The following KCNQ1 variants were observed in gnomAD, a reference collection of about 807,000 sequenced individuals.
KCNQ1 encodes potassium voltage-gated channel subfamily Q member 1, also known as potassium voltage-gated channel subfamily KQT member 1.
Under a neutral mutation model 72.4 loss-of-function variants are expected in KCNQ1, and 49 were observed. That is an observed-to-expected ratio of 0.68 (90% CI 0.54 to 0.86). The LOEUF (loss-of-function observed/expected upper bound fraction) is 0.86, where lower values mean the gene tolerates loss of function less well. KCNQ1 is among the 40% of genes least tolerant of loss of function. The pLI is 0.00. For synonymous variants in KCNQ1, 450 were observed against 412.6 expected (o/e 1.09, Z -1.10); for missense variants, 790 against 945.1 (o/e 0.84, Z 2.15).
intron 1 of KCNQ1, among the ~76,000 whole-genome samples, chr11:2,517,198 G>A (rs150691281): frequency 1.0e-3 from 156 of 152,270 alleles, no homozygotes; most frequent in Middle Eastern, 6.8e-3. Flanking sequence ...CAGGAGCCCC[G>A]TGCGCAGCTG....
At chr11:2,520,961 A>T (rs1246154438) in intron 1 of KCNQ1, among the ~76,000 whole-genome samples, 2 of 152,100 alleles carry the variant, frequency 1.3e-5, no homozygotes, top group African/African-American at 4.8e-5. Context: ...GGGTCTTTGA[A>T]CATTGCTCGA....
At chr11:2,631,359 TCTG>T (rs1242542964) in intron 10 of KCNQ1, 2 of 398,460 alleles carry the variant, frequency 5.0e-6, no homozygotes, top group Non-Finnish European at 8.8e-6. Context: ...TTTGATCAAG[TCTG>T]CTGCTGATGC....
At position 2,824,568 on chromosome 11, in the gene KCNQ1, C is replaced by G. The variant is rs189415957; in HGVS notation, c.1795-23199C>G. Among the ~76,000 whole-genome samples the G allele has an allele frequency of 6.6e-6, 1 of 152,096 alleles. No individual in the cohort carries two copies. Among genetic ancestry groups the G allele is most frequent in the Non-Finnish European group, 1.5e-5 (1 of 68,010 alleles). On this transcript the variant is annotated intron_variant, in intron 15 of 15. Transcript: ENST00000155840. This position sits in a 1 kb window ranked among gnomAD's most constrained non-coding sequence, Gnocchi z 5.9. ...GGGAGATTGGAGCTGAAAACAGAGG[C>G]TGCAACATGGAGGTGGTACCTGAAG...
chr11:2,492,648 G>A lies in KCNQ1; in HGVS notation c.387-35280G>A, dbSNP rs975946353. 1.3e-5 allele frequency among the ~76,000 whole-genome samples: 2 copies of A among 151,996 alleles called. No homozygotes were observed. The highest frequency in any genetic ancestry group is 4.8e-5 in the African/African-American group (2 of 41,376). On this transcript the variant is annotated intron_variant, in intron 1 of 15. Coordinates refer to ENST00000155840, the MANE Select transcript of KCNQ1 (RefSeq NM_000218.3). The surrounding 1 kb of genome is among the most constrained non-coding windows in gnomAD (Gnocchi z 4.1). ...GTTCCTGTGTTAGTTTGCCGAGAATGGTTTCCAGCTTCATCCCCACAAAAG... is the reference window on the plus strand; with the variant it reads ...GTTCCTGTGTTAGTTTGCCGAGAATAGTTTCCAGCTTCATCCCCACAAAAG...
intron 11 of KCNQ1, among the ~76,000 whole-genome samples, chr11:2,707,186 G>A (rs981270887): frequency 1.3e-5 from 2 of 152,114 alleles, no homozygotes; most frequent in South Asian, 4.1e-4. Flanking sequence ...GGTGGTGATG[G>A]GATGCTGTAG....
intron 11 of KCNQ1, among the ~76,000 whole-genome samples, chr11:2,726,253 G>T (rs148201862): frequency 1.3e-5 from 2 of 152,344 alleles, no homozygotes; most frequent in Non-Finnish European, 2.9e-5. Flanking sequence ...GTGTGCTGAC[G>T]TGGCAAGATG....
chr11:2,487,239 C>T (rs1846754622), intron 1 of KCNQ1, among the ~76,000 whole-genome samples: 1 of 152,160 alleles, frequency 6.6e-6, no homozygotes, highest in Non-Finnish European at 1.5e-5. Flanking sequence ...ATATGTCTGT[C>T]TTTTTGCCTG....
chr11:2,579,655 G>T lies in KCNQ1; in HGVS notation c.922-3780G>T, dbSNP rs946548989. 3.3e-5 allele frequency among the ~76,000 whole-genome samples: 5 copies of T among 152,188 alleles called. No homozygotes were observed. Among genetic ancestry groups the T allele is most frequent in the Non-Finnish European group, 7.3e-5 (5 of 68,032 alleles). ...CAGACAGGCAGACCAGGCGAAGGTG[G>T]GGTCCTGGAGCTGCGTCCTGCTGTA... is the stretch of plus-strand genomic sequence containing the variant. On this transcript the variant is annotated intron_variant, in intron 6 of 15. Transcript: ENST00000155840. This position sits in a 1 kb window ranked among gnomAD's most constrained non-coding sequence, Gnocchi z 6.0.
chr11:2,568,134 G>A (rs1468728133), intron 2 of KCNQ1, among the ~76,000 whole-genome samples: 9 of 152,074 alleles, frequency 5.9e-5, no homozygotes, highest in Admixed American at 3.3e-4. Context: ...TTAGCCAGGC[G>A]TGGTGGCATG....
chr11:2,740,831 C>T (rs1239639353), intron 11 of KCNQ1, among the ~76,000 whole-genome samples: 1 of 152,202 alleles, frequency 6.6e-6, no homozygotes, highest in Non-Finnish European at 1.5e-5. Flanking sequence ...CACGTCTCCT[C>T]CTCTGACTCT....
intron 1 of KCNQ1, among the ~76,000 whole-genome samples, chr11:2,514,472 G>T (rs1424254597): frequency 6.6e-6 from 1 of 152,212 alleles, no homozygotes; most frequent in Non-Finnish European, 1.5e-5. Flanking sequence ...GACACCCAGT[G>T]TTCTCTGTAG....
chr11:2,553,173 T>G (rs543119906), intron 2 of KCNQ1, among the ~76,000 whole-genome samples: 42 of 142,634 alleles, frequency 2.9e-4, no homozygotes, highest in Middle Eastern at 3.6e-3. Context: ...TTTTTTTTTT[T>G]TTTGTTTTTT....
intron 11 of KCNQ1, among the ~76,000 whole-genome samples, chr11:2,744,264 G>T (rs11827607): frequency 6.6e-6 from 1 of 152,252 alleles, no homozygotes; most frequent in Non-Finnish European, 1.5e-5. Flanking sequence ...AACAGGAGAC[G>T]ATGTGGCATC....
chr11:2,681,845 A>C, intron 11 of KCNQ1: 1 of 398,548 alleles, frequency 2.5e-6, no homozygotes, highest in Non-Finnish European at 4.4e-6. Flanking sequence ...CCCAAACATC[A>C]AGGTACTCCA....
chr11:2,689,713 G>A (rs1850557806), intron 11 of KCNQ1: 2 of 398,538 alleles, frequency 5.0e-6, no homozygotes, highest in Non-Finnish European at 8.8e-6. Flanking sequence ...CTTTGCACCT[G>A]GGCCTAGAGT....
In KCNQ1 at chr11:2,525,870, C is replaced by T. The variant is rs142541604; in HGVS notation, c.387-2058C>T. ...TGATCACCTACTGTGCACCAGGCTG[C>T]GTCCCGGGCATGGACTGCAGCCCAC... On this transcript the variant is annotated intron_variant, in intron 1 of 15. Coordinates refer to ENST00000155840, the MANE Select transcript of KCNQ1 (RefSeq NM_000218.3). 4.0e-3 allele frequency among the ~76,000 whole-genome samples: 616 copies of T among 152,300 alleles called. 2 individuals carry two copies. Among genetic ancestry groups the T allele is most frequent in the Non-Finnish European group, 6.1e-3 (417 of 68,022 alleles).
intron 11 of KCNQ1, chr11:2,665,776 C>A: frequency 5.0e-6 from 2 of 398,544 alleles, no homozygotes; most frequent in South Asian, 2.6e-4. Context: ...GATTGCTGCT[C>A]ACTCAACCCT....
chr11:2,819,410 TG>T (rs1847687208), intron 15 of KCNQ1, among the ~76,000 whole-genome samples: 1 of 152,124 alleles, frequency 6.6e-6, no homozygotes. Context: ...AGCCCATACA[TG>T]AGGGTAGAAG....
chr11:2,637,992 G>A (rs953100687), intron 10 of KCNQ1: 1 of 152,156 alleles, frequency 6.6e-6, no homozygotes, highest in South Asian at 2.1e-4. Context: ...CAGAGACTAG[G>A]ATTGCAACCC....
Sources: gnomAD v4.1 joint callset for allele counts (sites outside exome capture counted in the v4.1 genomes callset) on GRCh38, gnomAD v4.1.1 for gene constraint, Gnocchi (gnomAD v3.1) non-coding constraint, MANE v1.5 for transcripts, NCBI Gene and HGNC (gene_info 2026-07-23, HGNC 2026-07-21) for gene names.